Variants in DNAH14 observed in about 807,000 individuals in gnomAD.
The protein encoded by DNAH14 is dynein axonemal heavy chain 14.
In DNAH14, 478 loss-of-function variants were observed where a neutral mutation model predicts 520.9. That is an observed-to-expected ratio of 0.92 (90% CI 0.85 to 0.99). The LOEUF is 0.99. Among genes scored for constraint, DNAH14 ranks in the 50% least tolerant of loss-of-function variants. The pLI, the probability that DNAH14 is intolerant of heterozygous loss-of-function variation, is 0.00. For synonymous variants in DNAH14, 1,581 were observed against 1,757.2 expected (o/e 0.90, Z 2.51); for missense variants, 4,831 against 5,234.5 (o/e 0.92, Z 2.38).
At position 225,158,354 on chromosome 1, in the gene DNAH14, G is replaced by A. The variant is rs141395893; in HGVS notation, c.5274-960G>A. ...AAAATCCAGAGATGGGGCAGGGTGT[G>A]ATTGCTTTGATTAAGGTTTCAGTTT... On this transcript the variant is annotated intron_variant, in intron 34 of 85. Coordinates refer to ENST00000682510, the MANE Select transcript of DNAH14 (RefSeq NM_001367479.1). Among the ~76,000 whole-genome samples the A allele has an allele frequency of 9.9e-4, 151 of 152,240 alleles. 1 individual carries two copies. The highest frequency in any genetic ancestry group is 3.4e-3 in the African/African-American group (142 of 41,552).
chr1:225,074,476 C>T (rs973431745), intron 17 of DNAH14, among the ~76,000 whole-genome samples: 4 of 152,142 alleles, frequency 2.6e-5, no homozygotes, highest in East Asian at 1.9e-4. Flanking sequence ...CCTCTGCCCC[C>T]GATTGGCTTG....
chr1:225,076,908 T>C (rs987410957), intron 17 of DNAH14, among the ~76,000 whole-genome samples: 5 of 152,112 alleles, frequency 3.3e-5, no homozygotes, highest in Admixed American at 1.3e-4. Context: ...ACTCATCATT[T>C]ACATTAAGTA....
At chr1:225,283,163 G>A (rs1014221518) in intron 54 of DNAH14, among the ~76,000 whole-genome samples, 4 of 151,754 alleles carry the variant, frequency 2.6e-5, no homozygotes, top group Admixed American at 2.6e-4. Context: ...GAGACATATG[G>A]AAAATAACAG....
chr1:225,350,748 C>A (rs1313373848), intron 71 of DNAH14, among the ~76,000 whole-genome samples: 1 of 150,984 alleles, frequency 6.6e-6, no homozygotes, highest in Non-Finnish European at 1.5e-5. Context: ...AACTGGTAAT[C>A]AAACACTGCC....
intron 1 of DNAH14, among the ~76,000 whole-genome samples, chr1:224,950,219 T>A (rs79118182): frequency 1.3e-5 from 2 of 152,188 alleles, no homozygotes; most frequent in Non-Finnish European, 2.9e-5. Context: ...TAGTTCTGTA[T>A]TTAAATGAGT....
In DNAH14 at chr1:225,368,136, A is replaced by T; in HGVS notation, c.12318+104A>T. 3 of 1,035,374 alleles carry T rather than the reference A, an allele frequency of 2.9e-6. No individual in the cohort carries two copies. The Admixed American group carries it at 8.3e-5, about 29-fold the overall frequency. The allele number at this position is 1,035,374 out of a possible 1,614,324, so 64.1% of individuals were successfully genotyped here. A position where few individuals can be genotyped will look rare whatever the true frequency, so the allele number is the denominator to read the frequency against. On this transcript the variant is annotated intron_variant, in intron 77 of 85. Coordinates refer to ENST00000682510, the MANE Select transcript of DNAH14 (RefSeq NM_001367479.1). ...AATGTGAGTGTTTTACATGGTGGTA[A>T]GAAAATGAACTCTATAACTAGGCAA...
intron 54 of DNAH14, among the ~76,000 whole-genome samples, chr1:225,284,160 A>G (rs1317655846): frequency 6.6e-6 from 1 of 152,092 alleles, no homozygotes; most frequent in East Asian, 1.9e-4. Context: ...AAGATTAGAG[A>G]AGAAAGTAGA....
chr1:225,356,176 TGTTTTGGTTTGA>T (rs916064529), intron 73 of DNAH14, among the ~76,000 whole-genome samples: 66 of 152,340 alleles, frequency 4.3e-4, no homozygotes, highest in African/African-American at 1.6e-3. Flanking sequence ...ATTTGTTTTT[TGTTTTGGTTTGA>T]GTTTGGGTTA....
At chr1:225,320,699 T>G (rs1373249697) in intron 61 of DNAH14, among the ~76,000 whole-genome samples, 1 of 152,144 alleles carries the variant, frequency 6.6e-6, no homozygotes, top group Non-Finnish European at 1.5e-5. Context: ...TTTTGCAACA[T>G]GAACCACTAG....
chr1:225,190,497 T>C (rs2085289102), intron 37 of DNAH14, among the ~76,000 whole-genome samples: 1 of 152,012 alleles, frequency 6.6e-6, no homozygotes, highest in African/African-American at 2.4e-5. Context: ...CATTTAATAT[T>C]TTTGGACTGC....
chr1:225,147,183 A>AAGTT lies in DNAH14; in HGVS notation c.4875_4878dup (p.Leu1627SerfsTer13). ...GATGAATTCAATCTAATTGATTTGG[A>AAGTT]AGTTCTCTCTGTCATTGCCTCACAG... is the stretch of plus-strand genomic sequence containing the variant. On this transcript the variant is annotated frameshift_variant, in exon 31 of 86. Coordinates refer to ENST00000682510, the MANE Select transcript of DNAH14 (RefSeq NM_001367479.1). LOFTEE classifies it high-confidence loss of function. 6.4e-7 allele frequency: 1 copy of AAGTT among 1,551,044 alleles called. No individual in the cohort carries two copies. The highest frequency in any genetic ancestry group is 1.4e-5 in the African/African-American group (1 of 73,148).
chr1:225,212,324 G>A (rs2088570095), intron 41 of DNAH14, among the ~76,000 whole-genome samples: 1 of 152,020 alleles, frequency 6.6e-6, no homozygotes, highest in Non-Finnish European at 1.5e-5. Context: ...ATTTGGGTTG[G>A]TTCCAACTCT....
intron 41 of DNAH14, among the ~76,000 whole-genome samples, chr1:225,227,187 G>A (rs562702077): frequency 6.6e-6 from 1 of 152,168 alleles, no homozygotes; most frequent in East Asian, 1.9e-4. Flanking sequence ...TCAGGCTGGG[G>A]GATGATCAGG....
intron 61 of DNAH14, among the ~76,000 whole-genome samples, chr1:225,319,969 A>G (rs1226075349): frequency 1.3e-5 from 2 of 152,228 alleles, no homozygotes; most frequent in African/African-American, 2.4e-5. Context: ...AGGAGATGAC[A>G]TTAGAGAAGT....
At chr1:225,286,693 C>G (rs558841163) in intron 54 of DNAH14, among the ~76,000 whole-genome samples, 1 of 152,274 alleles carries the variant, frequency 6.6e-6, no homozygotes, top group Admixed American at 6.5e-5. Flanking sequence ...TAAACATAGT[C>G]TTGCCATATG....
chr1:225,223,258 T>G (rs2090224618), intron 41 of DNAH14, among the ~76,000 whole-genome samples: 1 of 152,136 alleles, frequency 6.6e-6, no homozygotes, highest in Non-Finnish European at 1.5e-5. Context: ...CTTTTGACAC[T>G]TATAAAGAGA....
intron 24 of DNAH14, 33 bp downstream of exon 24, chr1:225,117,821 TA>T: frequency 6.6e-7 from 1 of 1,521,930 alleles, no homozygotes; most frequent in Non-Finnish European, 8.9e-7. Context: ...AGCAATATTA[TA>T]TTAGCGATAT....
chr1:225,309,774 TC>T (rs1467325692), intron 60 of DNAH14, among the ~76,000 whole-genome samples: 2 of 152,026 alleles, frequency 1.3e-5, no homozygotes, highest in Non-Finnish European at 2.9e-5. Flanking sequence ...AGGCCTGTAA[TC>T]CCAGCTACTT....
rs1262641112 is a variant in DNAH14, at chr1:225,346,581, A to C, written c.11223A>C (p.Glu3741Asp). 1 of 1,550,840 alleles carries C rather than the reference A, an allele frequency of 6.4e-7. No individual in the cohort carries two copies. The highest frequency in any genetic ancestry group is 2.4e-5 in the East Asian group (1 of 40,856). The stretch of plus-strand genomic sequence containing the variant: ...ATGACATTGGATTCCTACCAGAAGA[A>C]GAATGGAACATCTTTTTATATTCTG... ...IQDDIGFLPE[E>D]EWNIFLYSGI... Residue 3741 changes from glutamate to aspartate, a missense_variant, in exon 71 of 86, where the codon GAA becomes GAC. Physicochemically the swap from Glu to Asp is conservative, Grantham distance 45. Coordinates refer to ENST00000682510, the MANE Select transcript of DNAH14 (RefSeq NM_001367479.1).
Sources: allele counts gnomAD v4.1 joint callset (sites outside exome capture counted in the v4.1 genomes callset), GRCh38; gene constraint gnomAD v4.1.1; transcripts MANE v1.5; gene names NCBI Gene and HGNC (gene_info 2026-07-23, HGNC 2026-07-21).